Variants in DLG2 observed in about 807,000 individuals in gnomAD.
The protein encoded by DLG2 is disks large homolog 2.
A neutral mutation model predicts 132.5 loss-of-function variants in DLG2; 45 were observed. That is an observed-to-expected ratio of 0.34 (90% CI 0.27 to 0.44). DLG2 has a LOEUF of 0.44. Among genes scored for constraint, DLG2 ranks in the 20% least tolerant of loss-of-function variants. DLG2 has a pLI of 1.00. For missense variants in DLG2, 1,045 were observed against 1,196.9 expected, an observed-to-expected ratio of 0.87 and a Z score of 1.87; for synonymous variants, 424 against 419.6, an observed-to-expected ratio of 1.01 and a Z score of -0.13.
intron 6 of DLG2, among the ~76,000 whole-genome samples, chr11:84,648,622 C>T (rs116619135): frequency 0.022 from 3,286 of 152,070 alleles, 135 homozygotes; most frequent in African/African-American, 0.075. Flanking sequence ...TGCTGGGTGC[C>T]TTCCTTTTGG....
At chr11:84,667,999 G>T (rs11234120) in intron 6 of DLG2, among the ~76,000 whole-genome samples, 32,393 of 151,948 alleles carry the variant, frequency 0.21, 3,906 homozygotes, top group East Asian at 0.46. Flanking sequence ...AAATAATAAG[G>T]ACTCTGAGTG....
chr11:83,903,131 T>C (rs1216712922), intron 15 of DLG2, among the ~76,000 whole-genome samples: 2 of 152,108 alleles, frequency 1.3e-5, no homozygotes, highest in Non-Finnish European at 2.9e-5. Context: ...GATTTAATTT[T>C]ATAAATATGG....
At chr11:84,217,458 A>G (rs2096851836) in intron 8 of DLG2, among the ~76,000 whole-genome samples, 1 of 152,132 alleles carries the variant, frequency 6.6e-6, no homozygotes, top group African/African-American at 2.4e-5. Context: ...ATCTTCCACC[A>G]TGATTGTGAG....
At chr11:85,202,956 A>C (rs1317624437) in intron 4 of DLG2, among the ~76,000 whole-genome samples, 2 of 151,422 alleles carry the variant, frequency 1.3e-5, no homozygotes, top group Non-Finnish European at 3.0e-5. Context: ...AAAAACTTCA[A>C]ATAACCTATC....
intron 11 of DLG2, among the ~76,000 whole-genome samples, chr11:83,986,887 G>A (rs2154179335): frequency 6.6e-6 from 1 of 152,216 alleles, no homozygotes; most frequent in South Asian, 2.1e-4. Flanking sequence ...CATGTCCTTT[G>A]CCCACTTTTT....
chr11:85,594,642 AC>A (rs1424870541), intron 3 of DLG2, among the ~76,000 whole-genome samples: 1 of 152,222 alleles, frequency 6.6e-6, no homozygotes, highest in Admixed American at 6.5e-5. Context: ...GTTACAAAAA[AC>A]ATTTGTGTTA....
intron 18 of DLG2, among the ~76,000 whole-genome samples, chr11:83,650,820 G>C (rs944836726): frequency 3.9e-5 from 6 of 152,128 alleles, no homozygotes; most frequent in African/African-American, 1.4e-4. Context: ...TTTCAAGACT[G>C]AAAGACTTTC....
chr11:84,998,276 T>C (rs1002346210), intron 6 of DLG2, among the ~76,000 whole-genome samples: 6 of 152,112 alleles, frequency 3.9e-5, no homozygotes, highest in African/African-American at 1.4e-4. Context: ...AATCGGATTA[T>C]GGTGGCAATT....
At chr11:83,497,226 G>C (rs915083082) in intron 21 of DLG2, among the ~76,000 whole-genome samples, 10 of 152,164 alleles carry the variant, frequency 6.6e-5, no homozygotes, top group African/African-American at 2.2e-4. Context: ...TCTGGTGAAA[G>C]GGGGGAGAAG....
intron 6 of DLG2, among the ~76,000 whole-genome samples, chr11:84,785,291 A>G (rs1483328803): frequency 6.6e-6 from 1 of 151,832 alleles, no homozygotes; most frequent in Non-Finnish European, 1.5e-5. Flanking sequence ...TGACAGTATA[A>G]TTTTTTTCTG....
intron 19 of DLG2, among the ~76,000 whole-genome samples, chr11:83,614,018 T>TG (rs2060462056): frequency 1.5e-5 from 1 of 66,614 alleles, no homozygotes; most frequent in East Asian, 7.8e-4. Context: ...AACAAGGCGA[T>TG]TTTTGGCCCC....
intron 18 of DLG2, among the ~76,000 whole-genome samples, chr11:83,724,482 A>T (rs566292283): frequency 0.38 from 48,423 of 128,036 alleles, 9,133 homozygotes; most frequent in African/African-American, 0.57. Context: ...TGTGTGAGAG[A>T]GAGAGAGAGA....
intron 6 of DLG2, among the ~76,000 whole-genome samples, chr11:84,871,770 T>G (rs912318952): frequency 4.6e-5 from 7 of 152,120 alleles, no homozygotes; most frequent in African/African-American, 1.7e-4. Context: ...TCGCCCAGCC[T>G]GGAGTGCAGT....
chr11:84,091,010 G>C (rs961871312), intron 10 of DLG2, among the ~76,000 whole-genome samples: 30 of 152,242 alleles, frequency 2.0e-4, no homozygotes, highest in African/African-American at 6.7e-4. Flanking sequence ...TCTAAACTAA[G>C]TTTAAAAGGC....
At chr11:83,924,990 G>T (rs2078689591) in intron 15 of DLG2, among the ~76,000 whole-genome samples, 1 of 152,104 alleles carries the variant, frequency 6.6e-6, no homozygotes, top group African/African-American at 2.4e-5. Flanking sequence ...TCTGCAGAAG[G>T]AACAGTCTGA....
chr11:83,564,995 G>T (rs1210379818), intron 19 of DLG2, among the ~76,000 whole-genome samples: 3 of 152,148 alleles, frequency 2.0e-5, no homozygotes, highest in Non-Finnish European at 4.4e-5. Flanking sequence ...CAATCATGCA[G>T]TTCTTTATCT....
chr11:85,508,636 T>G (rs187130460), intron 3 of DLG2, among the ~76,000 whole-genome samples: 1 of 152,182 alleles, frequency 6.6e-6, no homozygotes, highest in East Asian at 1.9e-4. Context: ...CTAGAACAAT[T>G]GATGGCAAAT....
chr11:85,399,850 C>A (rs1301544031), intron 3 of DLG2, among the ~76,000 whole-genome samples: 1 of 152,032 alleles, frequency 6.6e-6, no homozygotes, highest in Non-Finnish European at 1.5e-5. Flanking sequence ...CTAGGCATTA[C>A]CATTCAGGAC....
intron 3 of DLG2, among the ~76,000 whole-genome samples, chr11:85,431,304 G>C (rs2091166237): frequency 6.6e-6 from 1 of 152,150 alleles, no homozygotes; most frequent in African/African-American, 2.4e-5. Context: ...CCACCTGAGA[G>C]CCACATGGGA....
Sources: allele counts gnomAD v4.1 joint callset (sites outside exome capture counted in the v4.1 genomes callset), GRCh38; gene constraint gnomAD v4.1.1; transcripts MANE v1.5; gene names NCBI Gene and HGNC (gene_info 2026-07-23, HGNC 2026-07-21).